NKAIN2: variants seen among roughly 807,000 people sequenced by gnomAD.
NKAIN2 encodes the protein sodium/potassium transporting ATPase interacting 2.
NKAIN2 carries 14 observed loss-of-function variants against 32.6 expected under a neutral mutation model. The ratio of observed to expected loss-of-function variants is 0.43; its 90% CI spans 0.28 to 0.67. The LOEUF (loss-of-function observed/expected upper bound fraction) is 0.67. NKAIN2 is among the 30% of genes least tolerant of loss of function. The pLI, the probability that NKAIN2 is intolerant of heterozygous loss-of-function variation, is 0.17. For synonymous variants in NKAIN2, 80 were observed against 87.2 expected (o/e 0.92, Z 0.46); for missense variants, 198 against 258.3 (o/e 0.77, Z 1.60).
At chr6:124,368,105 G>A (rs548675346) in intron 3 of NKAIN2, among the ~76,000 whole-genome samples, 4 of 151,984 alleles carry the variant, frequency 2.6e-5, no homozygotes, top group African/African-American at 9.7e-5. Context: ...TTTCTCCAAG[G>A]TGGATCTGAC....
chr6:124,279,527 AAAG>A lies in NKAIN2; in HGVS notation c.55-3476_55-3474del, dbSNP rs1282501894. ...TTCCATCTCAAAAAAAAAAAAAAAAAAAGAGTTGTAAATAAAATTTGTGTCTTA... is the reference window on the plus strand; with the variant it reads ...TTCCATCTCAAAAAAAAAAAAAAAAAAGTTGTAAATAAAATTTGTGTCTTA... On this transcript the variant is annotated intron_variant, in intron 1 of 6. Coordinates refer to ENST00000368417, the MANE Select transcript of NKAIN2 (RefSeq NM_001040214.3). 2.7e-5 allele frequency among the ~76,000 whole-genome samples: 4 copies of A among 150,172 alleles called. No individual in the cohort carries two copies. In the Admixed American group the frequency reaches 2.7e-4, roughly 10 times the overall value.
intron 2 of NKAIN2, among the ~76,000 whole-genome samples, chr6:124,352,638 G>T (rs141077384): frequency 1.1e-4 from 16 of 152,304 alleles, no homozygotes; most frequent in African/African-American, 3.4e-4. Flanking sequence ...TTAGTAAATA[G>T]TGTTTATTTA....
rs76641339 is a variant in NKAIN2, at chr6:124,500,953, C to T, written c.273+145606C>T. Among the ~76,000 whole-genome samples, 1,346 of 152,206 alleles carry T rather than the reference C, an allele frequency of 8.8e-3. 19 individuals carry two copies. The highest frequency in any genetic ancestry group is 0.031 in the African/African-American group (1,283 of 41,544). On this transcript the variant is annotated intron_variant, in intron 3 of 6. Coordinates refer to ENST00000368417, the MANE Select transcript of NKAIN2 (RefSeq NM_001040214.3). ...TGAGTATGCCTAAAAGACTAGGAGA[C>T]TTACCACATGCAAAGATAAGATGTA...
intron 4 of NKAIN2, among the ~76,000 whole-genome samples, chr6:124,677,818 C>T (rs1773433667): frequency 6.6e-6 from 1 of 152,060 alleles, no homozygotes; most frequent in South Asian, 2.1e-4. Flanking sequence ...TTTCTATTTT[C>T]ATATGCTTTT....
chr6:124,058,199 GTTTT>G (rs1231979053), intron 1 of NKAIN2, among the ~76,000 whole-genome samples: 4 of 41,720 alleles, frequency 9.6e-5, no homozygotes, highest in East Asian at 8.8e-4. Flanking sequence ...TGACATTTAA[GTTTT>G]GTTTTTTTTT....
At chr6:123,902,239 C>G (rs984383138) in intron 1 of NKAIN2, among the ~76,000 whole-genome samples, 3 of 152,068 alleles carry the variant, frequency 2.0e-5, no homozygotes, top group African/African-American at 7.2e-5. Context: ...GGTATGACTA[C>G]AGAAAACCAC....
chr6:124,779,023 G>A (rs1175881239), intron 4 of NKAIN2, among the ~76,000 whole-genome samples: 2 of 151,828 alleles, frequency 1.3e-5, no homozygotes, highest in African/African-American at 4.8e-5. Context: ...GAAATATATT[G>A]TCAGGAGCGC....
chr6:124,525,363 T>G (rs1334913769), intron 3 of NKAIN2, among the ~76,000 whole-genome samples: 2 of 152,142 alleles, frequency 1.3e-5, no homozygotes, highest in Admixed American at 6.5e-5. Flanking sequence ...TATCTATTAT[T>G]AACGGTAGAA....
intron 3 of NKAIN2, among the ~76,000 whole-genome samples, chr6:124,365,038 C>A (rs932242865): frequency 3.3e-5 from 5 of 151,698 alleles, no homozygotes; most frequent in Admixed American, 2.0e-4. Context: ...TAAAAGATGG[C>A]ATAACTCCTA....
At chr6:124,172,069 C>G (rs879822938) in intron 1 of NKAIN2, among the ~76,000 whole-genome samples, 17 of 152,168 alleles carry the variant, frequency 1.1e-4, no homozygotes, top group Non-Finnish European at 1.9e-4. Context: ...GCCTCGGCCT[C>G]CCAAAGTGCT....
At chr6:124,615,228 T>C (rs763790232) in intron 3 of NKAIN2, among the ~76,000 whole-genome samples, 1 of 152,178 alleles carries the variant, frequency 6.6e-6, no homozygotes, top group Non-Finnish European at 1.5e-5. Context: ...ACCATGTGTA[T>C]TTTAGTTACA....
chr6:124,350,969 A>G (rs1798698431), intron 2 of NKAIN2, among the ~76,000 whole-genome samples: 1 of 152,176 alleles, frequency 6.6e-6, no homozygotes, highest in African/African-American at 2.4e-5. Flanking sequence ...AGCCTTGGCA[A>G]CAGAGTGAGA....
chr6:124,310,209 G>A (rs1470229306), intron 2 of NKAIN2, among the ~76,000 whole-genome samples: 1 of 152,118 alleles, frequency 6.6e-6, no homozygotes, highest in Non-Finnish European at 1.5e-5. Flanking sequence ...CATGGGAATA[G>A]AAGATGATAT....
intron 4 of NKAIN2, among the ~76,000 whole-genome samples, chr6:124,703,569 G>A (rs866737542): frequency 1.3e-5 from 2 of 151,828 alleles, no homozygotes; most frequent in Non-Finnish European, 1.5e-5. Flanking sequence ...ACAAGAGAAG[G>A]AAAAAAAGAT....
chr6:123,990,261 AT>A (rs1360784880), intron 1 of NKAIN2, among the ~76,000 whole-genome samples: 2 of 152,148 alleles, frequency 1.3e-5, no homozygotes, highest in Non-Finnish European at 2.9e-5. Flanking sequence ...TCAAGATGAG[AT>A]TTTGGGTGGG....
chr6:124,301,039 C>T (rs1194879947), intron 2 of NKAIN2, among the ~76,000 whole-genome samples: 1 of 152,184 alleles, frequency 6.6e-6, no homozygotes, highest in Non-Finnish European at 1.5e-5. Context: ...TGTCAGAGAA[C>T]TTTGCAGCAG....
intron 4 of NKAIN2, among the ~76,000 whole-genome samples, chr6:124,676,867 T>C (rs1276586264): frequency 6.6e-6 from 1 of 152,204 alleles, no homozygotes; most frequent in Non-Finnish European, 1.5e-5. Flanking sequence ...TTCCATCCTT[T>C]CACATTTAGC....
At chr6:124,195,115 A>G (rs960442051) in intron 1 of NKAIN2, among the ~76,000 whole-genome samples, 4 of 151,600 alleles carry the variant, frequency 2.6e-5, no homozygotes, top group Admixed American at 2.6e-4. Context: ...TTTAATCATA[A>G]TAAGTATTTT....
At chr6:124,533,093 G>C (rs892914190) in intron 3 of NKAIN2, among the ~76,000 whole-genome samples, 4 of 151,978 alleles carry the variant, frequency 2.6e-5, no homozygotes, top group African/African-American at 9.7e-5. Flanking sequence ...GATTTCAGTT[G>C]GTTTCTAGCT....
Sources: allele counts gnomAD v4.1 joint callset (sites outside exome capture counted in the v4.1 genomes callset), GRCh38; gene constraint gnomAD v4.1.1; transcripts MANE v1.5; gene names NCBI Gene and HGNC (gene_info 2026-07-23, HGNC 2026-07-21).